PGM5: variants seen among roughly 807,000 people sequenced by gnomAD.
PGM5 encodes phosphoglucomutase 5.
A neutral mutation model predicts 59.2 loss-of-function variants in PGM5; 23 were observed. The ratio of observed to expected loss-of-function variants is 0.39; its 90% CI spans 0.28 to 0.55. PGM5 has a LOEUF of 0.55. Ranked by LOEUF, PGM5 falls within the 20% of genes least tolerant of loss-of-function variation. The pLI is 0.66. For synonymous variants in PGM5, 214 were observed against 286.0 expected, an observed-to-expected ratio of 0.75 and a Z score of 2.54; for missense variants, 574 against 748.3, an observed-to-expected ratio of 0.77 and a Z score of 2.72.
At chr9:68,499,158 C>G in intron 9 of PGM5, 69 bp from the exon 10 acceptor site, 1 of 1,516,658 alleles carries the variant, frequency 6.6e-7, no homozygotes, top group Non-Finnish European at 9.1e-7. Flanking sequence ...ATTTCTGTGG[C>G]AGGTATTAAT....
At chr9:68,430,179 C>T (rs1441109959) in intron 6 of PGM5, among the ~76,000 whole-genome samples, 1 of 152,186 alleles carries the variant, frequency 6.6e-6, no homozygotes, top group African/African-American at 2.4e-5. Flanking sequence ...TCCTTTGTCT[C>T]CTCTATGGTT....
chr9:68,484,823 T>C (rs893702975), intron 9 of PGM5, among the ~76,000 whole-genome samples: 1 of 152,166 alleles, frequency 6.6e-6, no homozygotes. Flanking sequence ...GTCCTTGGAA[T>C]TGTAAAGTCA....
chr9:68,392,564 T>C, intron 6 of PGM5, 91 bp downstream of exon 6: 1 of 1,560,986 alleles, frequency 6.4e-7, no homozygotes, highest in African/African-American at 1.4e-5. Context: ...TCTCCCCTGC[T>C]CCATTTGGGA....
intron 6 of PGM5, among the ~76,000 whole-genome samples, chr9:68,407,255 G>A (rs1275167202): frequency 6.6e-6 from 1 of 152,050 alleles, no homozygotes; most frequent in Non-Finnish European, 1.5e-5. Flanking sequence ...AGCCTCCCAA[G>A]TAGCTGGGAA....
At chr9:68,380,216 A>G (rs1822033067) in intron 2 of PGM5, among the ~76,000 whole-genome samples, 1 of 152,086 alleles carries the variant, frequency 6.6e-6, no homozygotes, top group African/African-American at 2.4e-5. Context: ...AACCTTAACA[A>G]ATTCAAAAAG....
chr9:68,465,112 G>A lies in PGM5; in HGVS notation c.1063G>A (p.Val355Ile), dbSNP rs781833360. Residue 355 changes from valine to isoleucine, a missense_variant, in exon 7 of 11, where the codon GTC becomes ATC. This residue lies in a region of PGM5 where 300 missense variants were observed against 280.0 expected (regional missense o/e 1.07). Transcript: ENST00000396396. Reference protein sequence around the residue: ...ALDRVAKSMKVPVYETPAGWR... With the variant: ...ALDRVAKSMKIPVYETPAGWR... ...TTTCAGAGTGGCCAAATCAATGAAG[G>A]TCCCTGTATATGAGACCCCAGCTGG... is the stretch of plus-strand genomic sequence containing the variant. The A allele has an allele frequency of 1.3e-6, 2 of 1,559,242 alleles. No individual in the cohort carries two copies. Among genetic ancestry groups the A allele is most frequent in the South Asian group, 1.1e-5 (1 of 89,734 alleles).
chr9:68,486,568 GTAA>G (rs1554687551), intron 9 of PGM5, among the ~76,000 whole-genome samples: 5 of 152,116 alleles, frequency 3.3e-5, no homozygotes. Context: ...TTCACTTATT[GTAA>G]TATTTTCAGG....
intron 9 of PGM5, among the ~76,000 whole-genome samples, chr9:68,488,490 G>T (rs2860101): frequency 0.16 from 23,791 of 152,182 alleles, 2,089 homozygotes; most frequent in African/African-American, 0.25. Context: ...TTCAGTGAAG[G>T]CTATCCTGCC....
intron 6 of PGM5, among the ~76,000 whole-genome samples, chr9:68,447,005 G>A (rs1554684043): frequency 6.6e-6 from 1 of 152,168 alleles, no homozygotes; most frequent in Non-Finnish European, 1.5e-5. Flanking sequence ...TGTCAGAACT[G>A]TATACACTCT....
At chr9:68,421,391 C>T (rs1328288305) in intron 6 of PGM5, among the ~76,000 whole-genome samples, 7 of 152,102 alleles carry the variant, frequency 4.6e-5, no homozygotes, top group African/African-American at 7.2e-5. Context: ...TTATGGGCAA[C>T]GGATTCTCCA....
intron 6 of PGM5, among the ~76,000 whole-genome samples, chr9:68,445,691 A>AAGAC (rs1823599988): frequency 6.6e-6 from 1 of 152,210 alleles, no homozygotes; most frequent in African/African-American, 2.4e-5. Context: ...TGATCGTATG[A>AAGAC]AGACCTTAAA....
chr9:68,515,040 G>A (rs1824805113), intron 10 of PGM5, among the ~76,000 whole-genome samples: 1 of 152,176 alleles, frequency 6.6e-6, no homozygotes, highest in Non-Finnish European at 1.5e-5. Context: ...ATGAGGTAAA[G>A]AAAGTTCTAA....
intron 10 of PGM5, among the ~76,000 whole-genome samples, chr9:68,517,472 C>T (rs563240981): frequency 9.9e-5 from 15 of 152,282 alleles, no homozygotes; most frequent in African/African-American, 3.6e-4. Flanking sequence ...TTCACTGCCT[C>T]TAGTGTACTA....
intron 6 of PGM5, among the ~76,000 whole-genome samples, chr9:68,450,243 A>G (rs1242594999): frequency 6.6e-6 from 1 of 151,826 alleles, no homozygotes; most frequent in Non-Finnish European, 1.5e-5. Context: ...AATCTCTAGA[A>G]ATAAAAAATA....
At chr9:68,493,615 ACT>A (rs1824435300) in intron 9 of PGM5, among the ~76,000 whole-genome samples, 2 of 152,172 alleles carry the variant, frequency 1.3e-5, no homozygotes, top group African/African-American at 4.8e-5. Flanking sequence ...AAGATCTGAC[ACT>A]CACAACAACC....
At chr9:68,451,431 T>C (rs1554684329) in intron 6 of PGM5, among the ~76,000 whole-genome samples, 1 of 152,224 alleles carries the variant, frequency 6.6e-6, no homozygotes, top group African/African-American at 2.4e-5. Context: ...AATGAGTGAC[T>C]TGTAGCCTCG....
intron 7 of PGM5, among the ~76,000 whole-genome samples, chr9:68,474,278 T>C (rs982489367): frequency 2.0e-5 from 3 of 152,348 alleles, no homozygotes; most frequent in Middle Eastern, 3.4e-3. Flanking sequence ...AATTGACTTA[T>C]AGTTTTCCTA....
chr9:68,438,027 C>G (rs1823466767), intron 6 of PGM5, among the ~76,000 whole-genome samples: 1 of 152,134 alleles, frequency 6.6e-6, no homozygotes, highest in Admixed American at 6.5e-5. Flanking sequence ...GTGGCTCATG[C>G]CTGTAATCCC....
intron 2 of PGM5, among the ~76,000 whole-genome samples, chr9:68,383,750 A>G (rs1554678582): frequency 1.3e-5 from 2 of 150,782 alleles, no homozygotes; most frequent in African/African-American, 4.8e-5. Context: ...TAAAAAAAAA[A>G]AAAAAAAAAA....
Sources: allele counts gnomAD v4.1 joint callset (sites outside exome capture counted in the v4.1 genomes callset), GRCh38; gene constraint gnomAD v4.1.1; regional missense constraint gnomAD v4.1.1; transcripts MANE v1.5; gene names NCBI Gene and HGNC (gene_info 2026-07-23, HGNC 2026-07-21).